POPDC1: variants seen among roughly 807,000 people sequenced by gnomAD.
The protein encoded by POPDC1 is popeye domain cAMP effector 1, also known as popeye domain-containing protein 1.
the POPDC1 span, chr6:105,115,834 A>G: frequency 2.5e-6 from 4 of 1,612,840 alleles, no homozygotes; most frequent in African/African-American, 5.3e-5. Flanking sequence ...CTTTCTACAA[A>G]GCAAAGTTTT....
the POPDC1 span, among the ~76,000 whole-genome samples, chr6:105,112,939 CTTT>C: frequency 6.8e-6 from 1 of 147,716 alleles, no homozygotes; most frequent in Admixed American, 6.8e-5. Context: ...TTTTTCTTTT[CTTT>C]TTTTTTTGAT....
At chr6:105,110,920 A>C in the POPDC1 span, among the ~76,000 whole-genome samples, 108,561 of 152,084 alleles carry the variant, frequency 0.71, 42,347 homozygotes, top group East Asian at 0.87. Context: ...TCCTGGGGTC[A>C]AGAGATCCTC....
the POPDC1 span, among the ~76,000 whole-genome samples, chr6:105,102,007 C>CCTAAT: frequency 4.8e-4 from 73 of 152,244 alleles, no homozygotes; most frequent in African/African-American, 1.7e-3. Flanking sequence ...TCTCAAGGTG[C>CCTAAT]CTAATGAGCA....
the POPDC1 span, among the ~76,000 whole-genome samples, chr6:105,116,298 A>AC: frequency 6.6e-6 from 1 of 152,170 alleles, no homozygotes; most frequent in African/African-American, 2.4e-5. Context: ...TTCTCGCCTG[A>AC]CCTGAAGATA....
At chr6:105,118,702 A>G in the POPDC1 span, among the ~76,000 whole-genome samples, 5 of 152,208 alleles carry the variant, frequency 3.3e-5, no homozygotes, top group Admixed American at 6.5e-5. Context: ...AATAGCACAT[A>G]ATGCCACTCA....
the POPDC1 span, among the ~76,000 whole-genome samples, chr6:105,122,253 T>A: frequency 2.0e-5 from 3 of 152,170 alleles, no homozygotes; most frequent in African/African-American, 7.2e-5. Context: ...AATCAGGAAA[T>A]GCCACACGAG....
At chr6:105,100,385 C>G in the POPDC1 span, 7 of 152,110 alleles carry the variant, frequency 4.6e-5, no homozygotes, top group Non-Finnish European at 1.0e-4. Flanking sequence ...TGGCAGGTGC[C>G]TGTAGTCCCA....
the POPDC1 span, among the ~76,000 whole-genome samples, chr6:105,136,033 T>A: frequency 6.6e-6 from 1 of 152,178 alleles, no homozygotes; most frequent in African/African-American, 2.4e-5. Context: ...GTTTTTCAAA[T>A]AGGTGATTGT....
the POPDC1 span, chr6:105,098,437 C>T: frequency 1.3e-5 from 2 of 152,204 alleles, no homozygotes; most frequent in Non-Finnish European, 2.9e-5. Flanking sequence ...CTGATACACA[C>T]ACATACTTTA....
chr6:105,133,282 G>A, the POPDC1 span: 1 of 1,292,652 alleles, frequency 7.7e-7, no homozygotes, highest in Non-Finnish European at 1.1e-6. Flanking sequence ...ATACTCTGAA[G>A]CTCTCAATGT....
the POPDC1 span, chr6:105,116,663 C>T: frequency 6.7e-7 from 1 of 1,487,028 alleles, no homozygotes; most frequent in Non-Finnish European, 9.1e-7. Context: ...ACCTCATATA[C>T]ATATTTATTT....
At chr6:105,102,531 C>T in the POPDC1 span, among the ~76,000 whole-genome samples, 6 of 152,294 alleles carry the variant, frequency 3.9e-5, no homozygotes, top group East Asian at 9.7e-4. Context: ...AGGGAGCATG[C>T]AGAGTGGTCA....
At chr6:105,135,888 A>G in the POPDC1 span, among the ~76,000 whole-genome samples, 3 of 152,212 alleles carry the variant, frequency 2.0e-5, no homozygotes, top group Non-Finnish European at 4.4e-5. Context: ...ATAGGTGGAA[A>G]GAGAAAGGTT....
chr6:105,125,293 C>A, the POPDC1 span: 1 of 1,358,414 alleles, frequency 7.4e-7, no homozygotes. Context: ...ACTGCTTTCT[C>A]CATTCATTGG....
chr6:105,111,551 A>T, the POPDC1 span, among the ~76,000 whole-genome samples: 5 of 152,222 alleles, frequency 3.3e-5, no homozygotes, highest in African/African-American at 4.8e-5. Flanking sequence ...CAAACATGAA[A>T]CCCAGTAAAT....
At chr6:105,110,201 C>A in the POPDC1 span, among the ~76,000 whole-genome samples, 1 of 152,086 alleles carries the variant, frequency 6.6e-6, no homozygotes, top group East Asian at 1.9e-4. Flanking sequence ...TAAATGAGAA[C>A]CTGGCTGAAA....
At chr6:105,128,838 T>A in the POPDC1 span, among the ~76,000 whole-genome samples, 8 of 152,346 alleles carry the variant, frequency 5.3e-5, no homozygotes, top group Middle Eastern at 3.4e-3. Context: ...GTTTTCCTAC[T>A]CTTTCTATTC....
the POPDC1 span, among the ~76,000 whole-genome samples, chr6:105,122,935 A>G: frequency 6.6e-6 from 1 of 152,238 alleles, no homozygotes; most frequent in Non-Finnish European, 1.5e-5. Flanking sequence ...GTAAATGCAC[A>G]TAACTAACAA....
At chr6:105,125,487 T>C in the POPDC1 span, 7 of 1,614,088 alleles carry the variant, frequency 4.3e-6, no homozygotes, top group African/African-American at 9.3e-5. Context: ...CATGCAAAAC[T>C]GTCCAGTTAG....
Sources: allele counts gnomAD v4.1 joint callset (sites outside exome capture counted in the v4.1 genomes callset), GRCh38; gene constraint gnomAD v4.1.1; transcripts MANE v1.5; gene names NCBI Gene and HGNC (gene_info 2026-07-23, HGNC 2026-07-21).